Variants in PDE8B observed in about 807,000 individuals in gnomAD.
The protein encoded by PDE8B is high affinity cAMP-specific and IBMX-insensitive 3',5'-cyclic phosphodiesterase 8B.
A neutral mutation model predicts 101.3 loss-of-function variants in PDE8B; 26 were observed. The ratio of observed to expected loss-of-function variants is 0.26; its 90% CI spans 0.19 to 0.36. PDE8B has a LOEUF of 0.36. Among genes scored for constraint, PDE8B ranks in the 10% least tolerant of loss-of-function variants. PDE8B has a pLI of 1.00. For synonymous variants in PDE8B, 424 were observed against 429.3 expected, an observed-to-expected ratio of 0.99 and a Z score of 0.15; for missense variants, 810 against 1,163.1, an observed-to-expected ratio of 0.70 and a Z score of 4.42.
At chr5:77,227,899 A>T (rs1752753167) in intron 1 of PDE8B, among the ~76,000 whole-genome samples, 1 of 152,204 alleles carries the variant, frequency 6.6e-6, no homozygotes, top group Non-Finnish European at 1.5e-5. Flanking sequence ...GGGATAACAC[A>T]CAAGCAGATA....
Position 77,340,600 on chromosome 5 carries a change from A to AGTGTGTGTGTGTGT in PDE8B, c.797+3314_797+3327dup, listed in dbSNP as rs34764404. ...CTACCCTTGTTCCAGGCAGCCTCAC[A>AGTGTGTGTGTGTGT]GTGTGTGTGTGTGTGTGTGTGTGTG... On this transcript the variant is annotated intron_variant, in intron 6 of 21. Coordinates refer to ENST00000264917, the MANE Select transcript of PDE8B (RefSeq NM_003719.5). Among the ~76,000 whole-genome samples the AGTGTGTGTGTGTGT allele has an allele frequency of 2.5e-3, 351 of 140,156 alleles. 5 individuals carry two copies. The highest frequency in any genetic ancestry group is 7.7e-3 in the South Asian group (31 of 4,026). 91.9% of individuals were successfully genotyped at this position (140,156 alleles called of 152,430 possible).
chr5:77,397,832 T>C (rs769614558), intron 10 of PDE8B, among the ~76,000 whole-genome samples: 7 of 152,086 alleles, frequency 4.6e-5, no homozygotes, highest in Non-Finnish European at 8.8e-5. Flanking sequence ...TCTAACAATA[T>C]AGCTGTTGCC....
chr5:77,275,641 T>G (rs1246783636), intron 1 of PDE8B, among the ~76,000 whole-genome samples: 2 of 152,248 alleles, frequency 1.3e-5, no homozygotes, highest in Non-Finnish European at 2.9e-5. Flanking sequence ...CTTTAATTGC[T>G]GCACAATTCT....
chr5:77,371,924 G>C (rs1254481339), intron 10 of PDE8B, among the ~76,000 whole-genome samples: 1 of 152,084 alleles, frequency 6.6e-6, no homozygotes, highest in African/African-American at 2.4e-5. Context: ...TTTTTTGCCG[G>C]GTGCAGTGGC....
chr5:77,397,245 G>A (rs1401445037), intron 10 of PDE8B, among the ~76,000 whole-genome samples: 1 of 151,740 alleles, frequency 6.6e-6, no homozygotes, highest in Non-Finnish European at 1.5e-5. Flanking sequence ...TGTTAGGCTG[G>A]TCTCGAACTC....
chr5:77,157,364 G>T, the PDE8B span, among the ~76,000 whole-genome samples: 2 of 152,196 alleles, frequency 1.3e-5, no homozygotes, highest in Non-Finnish European at 2.9e-5. Context: ...GGAGTGTGGG[G>T]ACCCAGAAGG....
Position 77,210,808 on chromosome 5 carries a change from C to T in PDE8B, c.-118C>T, listed in dbSNP as rs1748100523. ...CCGACGGAGCGGCGGACACACAGGCCGGGGGGCGCGCAGTCCGGGCGCCGC... is the reference window on the plus strand; with the variant it reads ...CCGACGGAGCGGCGGACACACAGGCTGGGGGGCGCGCAGTCCGGGCGCCGC... On this transcript the variant is annotated 5_prime_UTR_variant, in exon 1 of 22. Transcript: ENST00000264917. This position sits in a 1 kb window ranked among gnomAD's most constrained non-coding sequence, Gnocchi z 4.9. 2.0e-6 allele frequency: 2 copies of T among 983,862 alleles called. No homozygotes were observed. The highest frequency in any genetic ancestry group is 2.4e-6 in the Non-Finnish European group (2 of 830,740). The allele number at this position is 983,862 out of a possible 1,614,324, so 60.9% of individuals were successfully genotyped here.
chr5:77,364,260 T>A (rs1315264988), intron 10 of PDE8B, among the ~76,000 whole-genome samples: 1 of 152,222 alleles, frequency 6.6e-6, no homozygotes. Flanking sequence ...TACCACACTT[T>A]GGAGGTATGC....
At chr5:77,128,978 A>G in the PDE8B span, among the ~76,000 whole-genome samples, 1 of 152,204 alleles carries the variant, frequency 6.6e-6, no homozygotes, top group Admixed American at 6.5e-5. Flanking sequence ...TTACCCAGAT[A>G]TTAGCTTGAT....
rs951085854 is a variant in PDE8B at position 77,373,200 on chromosome 5, A to G, written c.1167+19794A>G. ...TTTCTCTATTGTTAATCTGTTTTCTATTTTGTTGCTTTCTGTTCTTATCCT... is the reference window on the plus strand; with the variant it reads ...TTTCTCTATTGTTAATCTGTTTTCTGTTTTGTTGCTTTCTGTTCTTATCCT... On this transcript the variant is annotated intron_variant, in intron 10 of 21. Coordinates refer to ENST00000264917, the MANE Select transcript of PDE8B (RefSeq NM_003719.5). Among the ~76,000 whole-genome samples, 5 of 151,976 alleles carry G rather than the reference A, an allele frequency of 3.3e-5. No homozygotes were observed. The East Asian group carries it at 9.7e-4, about 29-fold the overall frequency.
At chr5:77,125,365 A>C in the PDE8B span, among the ~76,000 whole-genome samples, 1 of 152,214 alleles carries the variant, frequency 6.6e-6, no homozygotes, top group Non-Finnish European at 1.5e-5. Context: ...TGCTGGTGGG[A>C]ATATAAAATT....
At chr5:77,250,756 C>T (rs1162981655) in intron 1 of PDE8B, among the ~76,000 whole-genome samples, 1 of 152,108 alleles carries the variant, frequency 6.6e-6, no homozygotes, top group African/African-American at 2.4e-5. Context: ...TTGGTGGCCT[C>T]AGGATTCACT....
intron 1 of PDE8B, among the ~76,000 whole-genome samples, chr5:77,239,665 T>A (rs1438694656): frequency 6.6e-6 from 1 of 152,334 alleles, no homozygotes; most frequent in Admixed American, 6.5e-5. Flanking sequence ...ATGAACATGA[T>A]CCAATTCCAA....
At chr5:77,115,927 G>T in the PDE8B span, among the ~76,000 whole-genome samples, 1 of 152,066 alleles carries the variant, frequency 6.6e-6, no homozygotes. Flanking sequence ...GAAGGTTTAT[G>T]GGCAGAGTGA....
At chr5:77,280,857 A>T (rs1764833849) in intron 1 of PDE8B, among the ~76,000 whole-genome samples, 1 of 152,238 alleles carries the variant, frequency 6.6e-6, no homozygotes, top group African/African-American at 2.4e-5. Context: ...AGATCGCGCC[A>T]CTGCACTCCA....
intron 10 of PDE8B, among the ~76,000 whole-genome samples, chr5:77,386,865 C>CT (rs59393259): frequency 0.028 from 1,442 of 51,096 alleles, 428 homozygotes; most frequent in African/African-American, 0.064. Context: ...GATGTAGTTT[C>CT]TTTTTTTTTT....
the PDE8B span, among the ~76,000 whole-genome samples, chr5:77,155,007 A>G: frequency 8.5e-5 from 13 of 152,118 alleles, no homozygotes; most frequent in Non-Finnish European, 1.3e-4. Flanking sequence ...GACTATGGCA[A>G]ATTGGGGCAT....
rs1213489921 is a variant in PDE8B, at chr5:77,378,009, T to TCTAC, written c.1168-22239_1168-22238insCTAC. Among the ~76,000 whole-genome samples, 34 of 134,486 alleles carry TCTAC rather than the reference T, an allele frequency of 2.5e-4. No homozygotes were observed. In the East Asian group the frequency reaches 3.7e-3, roughly 15 times the overall value. 88.2% of individuals were successfully genotyped at this position (134,486 alleles called of 152,430 possible). ...CTTGCTCGCTCTCTCCCTCTCTCTC[T>TCTAC]ACACACACACACACACACACACACA... On this transcript the variant is annotated intron_variant, in intron 10 of 21. Transcript: ENST00000264917.
At chr5:77,125,173 A>AT in the PDE8B span, among the ~76,000 whole-genome samples, 11 of 151,480 alleles carry the variant, frequency 7.3e-5, no homozygotes, top group Non-Finnish European at 1.0e-4. Flanking sequence ...TTTTATTTTA[A>AT]TTTTTTTTTG....
Sources: gnomAD v4.1 joint callset for allele counts (sites outside exome capture counted in the v4.1 genomes callset) on GRCh38, gnomAD v4.1.1 for gene constraint, Gnocchi (gnomAD v3.1) non-coding constraint, MANE v1.5 for transcripts, NCBI Gene and HGNC (gene_info 2026-07-23, HGNC 2026-07-21) for gene names.